The following ECE1 variants were observed in gnomAD, a reference collection of about 807,000 sequenced individuals.
ECE1 encodes the protein endothelin-converting enzyme 1.
A neutral mutation model predicts 98.6 loss-of-function variants in ECE1; 35 were observed. The observed-to-expected ratio is 0.35, with a 90% CI of 0.27 to 0.47. The LOEUF is 0.47. ECE1 is among the 20% of genes least tolerant of loss of function. ECE1 has a pLI of 1.00. For missense variants in ECE1, 814 were observed against 1,025.3 expected (o/e 0.79, Z 2.81); for synonymous variants, 394 against 407.1 (o/e 0.97, Z 0.39).
chr1:21,236,838 C>T lies in ECE1; in HGVS notation c.1396G>A (p.Glu466Lys), dbSNP rs750088524. 23 of 1,613,570 alleles carry T rather than the reference C, an allele frequency of 1.4e-5. No individual in the cohort carries two copies. Among genetic ancestry groups the T allele is most frequent in the South Asian group, 3.3e-5 (3 of 91,066 alleles). Residue 466 changes from glutamate to lysine, a missense_variant, in exon 12 of 19, where the codon GAG becomes AAG. Physicochemically the swap from Glu to Lys is moderately conservative, Grantham distance 56 (BLOSUM62 1). Coordinates refer to ENST00000374893, the MANE Select transcript of ECE1 (RefSeq NM_001397.3). The part of the protein sequence containing the change: ...FAEDSKSIAT[E>K]IILEIKKAFE... Reference sequence around the variant, plus strand: ...GCCTTCTTAATCTCCAGGATGATCTCGGTGGCCTGAGGAGATACACATCAC... The same window carrying T: ...GCCTTCTTAATCTCCAGGATGATCTTGGTGGCCTGAGGAGATACACATCAC...
chr1:21,283,268 TTTTTTAAA>T (rs1179456353), intron 2 of ECE1, among the ~76,000 whole-genome samples: 1 of 129,442 alleles, frequency 7.7e-6, no homozygotes, highest in South Asian at 2.5e-4. Flanking sequence ...TTTTTGAATT[TTTTTTAAA>T]TTTTTTTTTT....
intron 10 of ECE1, among the ~76,000 whole-genome samples, chr1:21,241,779 C>A (rs151328486): frequency 7.2e-5 from 11 of 152,180 alleles, no homozygotes; most frequent in Non-Finnish European, 1.5e-4. Context: ...TTCAAAGAGG[C>A]CACGCTCTCT....
At chr1:21,283,191 C>A (rs1024278900) in intron 2 of ECE1, among the ~76,000 whole-genome samples, 9 of 152,048 alleles carry the variant, frequency 5.9e-5, no homozygotes, top group Middle Eastern at 3.2e-3. Flanking sequence ...GTGATCCACC[C>A]GCCTTGGCCT....
intron 14 of ECE1, among the ~76,000 whole-genome samples, 176 bp from the exon 15 acceptor site, chr1:21,228,217 T>A (rs2098176974): frequency 6.6e-6 from 1 of 152,116 alleles, no homozygotes; most frequent in Non-Finnish European, 1.5e-5. Context: ...CTGTTTGTTT[T>A]GAGACAGGGT....
chr1:21,276,058 G>GT (rs1335646950), intron 3 of ECE1, among the ~76,000 whole-genome samples: 26 of 119,382 alleles, frequency 2.2e-4, no homozygotes, highest in Non-Finnish European at 9.8e-5. Context: ...TTGAGACAGA[G>GT]TTTTTGCTCT....
rs1178183870 is a variant in ECE1 at position 21,260,946 on chromosome 1, A to C, written c.494-554T>G. ...GTTTTCCACCGCCCTTGCCAACTCCAGCAAGCAGCATCTCCCTCCTGCAGT... is the reference window on the plus strand; with the variant it reads ...GTTTTCCACCGCCCTTGCCAACTCCCGCAAGCAGCATCTCCCTCCTGCAGT... On this transcript the variant is annotated intron_variant, in intron 4 of 18. Transcript: ENST00000374893. The surrounding 1 kb of genome is among the most constrained non-coding windows in gnomAD (Gnocchi z 4.3). Among the ~76,000 whole-genome samples, 1 of 152,226 alleles carries C rather than the reference A, an allele frequency of 6.6e-6. No homozygotes were observed. The highest frequency in any genetic ancestry group is 1.5e-5 in the Non-Finnish European group (1 of 68,038).
At chr1:21,286,278 G>C (rs995031025) in intron 2 of ECE1, among the ~76,000 whole-genome samples, 12 of 152,248 alleles carry the variant, frequency 7.9e-5, no homozygotes, top group Admixed American at 3.3e-4. Context: ...AGAGCAAGAG[G>C]CTTCAGAGCA....
chr1:21,230,513 A>G (rs1483148000), intron 14 of ECE1, among the ~76,000 whole-genome samples: 1 of 152,076 alleles, frequency 6.6e-6, no homozygotes, highest in Non-Finnish European at 1.5e-5. Flanking sequence ...CAGCCACCTG[A>G]GTAGCTGGGA....
chr1:21,238,205 C>T lies in ECE1; in HGVS notation c.1318G>A (p.Glu440Lys), dbSNP rs780046573. 2 of 1,614,256 alleles carry T rather than the reference C, an allele frequency of 1.2e-6. No homozygotes were observed. ...PRWKFCVSDT[E>K]NNLGFALGPM... ...CCCAACGCAAAGCCCAGGTTGTTTTCTGTGTCACTCACGCAAAACTTCCAG... is the reference window on the plus strand; with the variant it reads ...CCCAACGCAAAGCCCAGGTTGTTTTTTGTGTCACTCACGCAAAACTTCCAG... The change falls in exon 11 of 19, where the codon GAA (glutamate) becomes AAA (lysine). Residue 440 changes from glutamate to lysine, a missense_variant. Around this residue, in one of 3 missense-constraint regions of ECE1, gnomAD observed 452 missense variants for 567.3 expected, o/e 0.80. Transcript: ENST00000374893.
In ECE1 at chr1:21,260,518, G is replaced by T; in HGVS notation, c.494-126C>A. 8.1e-7 allele frequency: 1 copy of T among 1,230,420 alleles called. No individual in the cohort carries two copies. Among genetic ancestry groups the T allele is most frequent in the Non-Finnish European group, 1.2e-6 (1 of 843,862 alleles). 76.2% of individuals were successfully genotyped at this position (1,230,420 alleles called of 1,614,324 possible). A position where few individuals can be genotyped will look rare whatever the true frequency, so the allele number is the denominator to read the frequency against. ...AAGGAGCTCTGACATCTGCCTGTCG[G>T]AGTGGCAGTGAGGAATGCCGTCACC... On this transcript the variant is annotated intron_variant, in intron 4 of 18. Coordinates refer to ENST00000374893, the MANE Select transcript of ECE1 (RefSeq NM_001397.3). This position sits in a 1 kb window ranked among gnomAD's most constrained non-coding sequence, Gnocchi z 4.3.
intron 1 of ECE1, among the ~76,000 whole-genome samples, chr1:21,302,287 C>G (rs1227473094): frequency 6.6e-6 from 1 of 152,184 alleles, no homozygotes; most frequent in Non-Finnish European, 1.5e-5. Flanking sequence ...CACACCAAGC[C>G]CCTTGCTGTG....
At position 21,340,887 on chromosome 1, in the gene ECE1, T is replaced by C. The variant is rs1639385120; in HGVS notation, c.3+4489A>G. On this transcript the variant is annotated intron_variant, in intron 1 of 18. Coordinates refer to the ECE1 transcript ENST00000415912. This position sits in a 1 kb window ranked among gnomAD's most constrained non-coding sequence, Gnocchi z 4.6. ...AATAAACTCCTGAGTGGCTCCCCAC[T>C]GCCCTAAGGATTGAGCCCCAGGTCC... Among the ~76,000 whole-genome samples the C allele has an allele frequency of 6.6e-6, 1 of 152,048 alleles. No homozygotes were observed. Among genetic ancestry groups the C allele is most frequent in the Non-Finnish European group, 1.5e-5 (1 of 68,004 alleles).
intron 1 of ECE1, among the ~76,000 whole-genome samples, chr1:21,330,133 C>CTTTTTT (rs397860522): frequency 2.3e-5 from 2 of 86,488 alleles, no homozygotes; most frequent in East Asian, 2.9e-4. Flanking sequence ...TCACTAAATA[C>CTTTTTT]TTTTTTTTTT....
intron 2 of ECE1, among the ~76,000 whole-genome samples, chr1:21,282,332 A>T (rs543726966): frequency 6.6e-6 from 1 of 151,934 alleles, no homozygotes; most frequent in African/African-American, 2.4e-5. Context: ...TCATGACTGT[A>T]ATCCCAGCAC....
chr1:21,321,081 C>T (rs1313882261), intron 1 of ECE1, among the ~76,000 whole-genome samples: 1 of 152,182 alleles, frequency 6.6e-6, no homozygotes, highest in Admixed American at 6.5e-5. Flanking sequence ...ACTACCATCC[C>T]CACTTTACAG....
intron 6 of ECE1, 139 bp from the exon 7 acceptor site, chr1:21,257,729 C>T: frequency 1.1e-6 from 1 of 900,970 alleles, no homozygotes; most frequent in South Asian, 1.4e-5. Context: ...CTGCTGGCTA[C>T]AGTCACTGAG....
chr1:21,247,110 C>T (rs212513), intron 9 of ECE1, 111 bp downstream of exon 9: 185,398 of 1,502,944 alleles, frequency 0.12, 16,706 homozygotes, highest in African/African-American at 0.46. Context: ...CGTAAAAGCC[C>T]GCCCAGGTCC....
intron 17 of ECE1, among the ~76,000 whole-genome samples, chr1:21,223,258 C>T (rs1299776371): frequency 6.6e-6 from 1 of 151,868 alleles, no homozygotes; most frequent in African/African-American, 2.4e-5. Flanking sequence ...CAAGCATGAG[C>T]CACGGCACCC....
intron 1 of ECE1, chr1:21,299,002 A>C: frequency 2.5e-6 from 1 of 404,906 alleles, no homozygotes; most frequent in Non-Finnish European, 5.0e-6. Context: ...GATGTCCTGG[A>C]CTGTGTGATG....
Sources: gnomAD v4.1 joint callset for allele counts (sites outside exome capture counted in the v4.1 genomes callset) on GRCh38, gnomAD v4.1.1 for gene constraint, gnomAD v4.1.1 regional missense constraint, Gnocchi (gnomAD v3.1) non-coding constraint, MANE v1.5 for transcripts, NCBI Gene and HGNC (gene_info 2026-07-23, HGNC 2026-07-21) for gene names.